Variants in KCTD8 observed in about 807,000 individuals in gnomAD.
KCTD8 encodes the protein BTB/POZ domain-containing protein KCTD8.
In KCTD8, 27 loss-of-function variants were observed where a neutral mutation model predicts 31.5. The ratio of observed to expected loss-of-function variants is 0.86; its 90% CI spans 0.63 to 1.18. KCTD8 has a LOEUF of 1.18. Ranked by LOEUF, KCTD8 falls within the 50% of genes most tolerant of loss-of-function variation. The pLI, the probability that KCTD8 is intolerant of heterozygous loss-of-function variation, is 0.00. For missense variants in KCTD8, 658 were observed against 647.7 expected (o/e 1.02, Z -0.17); for synonymous variants, 290 against 280.0 (o/e 1.04, Z -0.36).
chr4:44,198,065 G>A (rs190991105), intron 1 of KCTD8, among the ~76,000 whole-genome samples: 407 of 152,138 alleles, frequency 2.7e-3, no homozygotes, highest in Non-Finnish European at 4.5e-3. Context: ...AGAGCTCAAA[G>A]ACTGGTTCTT....
At chr4:44,407,392 T>C (rs573073519) in intron 1 of KCTD8, among the ~76,000 whole-genome samples, 17 of 150,766 alleles carry the variant, frequency 1.1e-4, no homozygotes, top group African/African-American at 4.1e-4. Flanking sequence ...TTTTTTTCTT[T>C]TTTTTTTTTT....
chr4:44,444,843 G>A (rs1721902027), intron 1 of KCTD8, among the ~76,000 whole-genome samples: 1 of 151,968 alleles, frequency 6.6e-6, no homozygotes, highest in Admixed American at 6.6e-5. Flanking sequence ...AACTACAACA[G>A]TTTCAACTAC....
intron 1 of KCTD8, among the ~76,000 whole-genome samples, chr4:44,193,628 A>G (rs550320200): frequency 1.3e-5 from 2 of 151,742 alleles, no homozygotes; most frequent in African/African-American, 2.4e-5. Flanking sequence ...TTTATTTTAC[A>G]TCTAGGTATT....
intron 1 of KCTD8, among the ~76,000 whole-genome samples, chr4:44,232,984 G>A (rs1488830997): frequency 4.0e-5 from 6 of 151,896 alleles, no homozygotes; most frequent in South Asian, 2.1e-4. Flanking sequence ...TTCATAAAAC[G>A]TTTTTTGATA....
intron 1 of KCTD8, among the ~76,000 whole-genome samples, chr4:44,225,741 C>T (rs1560399554): frequency 6.6e-6 from 1 of 150,682 alleles, no homozygotes. Flanking sequence ...GCAGAACATG[C>T]AGATTTGTTA....
chr4:44,347,641 A>T (rs1329228030), intron 1 of KCTD8, among the ~76,000 whole-genome samples: 1 of 152,190 alleles, frequency 6.6e-6, no homozygotes, highest in East Asian at 1.9e-4. Context: ...GTAATGCATA[A>T]TTTTTGTATA....
intron 1 of KCTD8, among the ~76,000 whole-genome samples, chr4:44,310,990 A>G (rs1026508465): frequency 8.6e-5 from 13 of 150,590 alleles, no homozygotes; most frequent in Non-Finnish European, 1.6e-4. Flanking sequence ...TGCAACCCCT[A>G]TATCTCTCTT....
intron 1 of KCTD8, among the ~76,000 whole-genome samples, chr4:44,254,193 G>A (rs1325784481): frequency 6.6e-6 from 1 of 151,888 alleles, no homozygotes; most frequent in African/African-American, 2.4e-5. Context: ...GTTAAAAAAA[G>A]TGAACTGTTT....
chr4:44,300,971 G>T (rs1717598019), intron 1 of KCTD8, among the ~76,000 whole-genome samples: 2 of 139,002 alleles, frequency 1.4e-5, no homozygotes, highest in Non-Finnish European at 3.1e-5. Flanking sequence ...GCGGTGTTTG[G>T]TTTTTTGTCC....
At chr4:44,436,335 G>T (rs1442648055) in intron 1 of KCTD8, among the ~76,000 whole-genome samples, 1 of 152,044 alleles carries the variant, frequency 6.6e-6, no homozygotes, top group Non-Finnish European at 1.5e-5. Flanking sequence ...AGCTCAACAA[G>T]ACCTCCTTCT....
intron 1 of KCTD8, among the ~76,000 whole-genome samples, chr4:44,384,117 C>T (rs1720144537): frequency 6.7e-6 from 1 of 149,510 alleles, no homozygotes; most frequent in Non-Finnish European, 1.5e-5. Context: ...GAGATATCTT[C>T]TCACTCAGGT....
At chr4:44,398,061 T>A (rs1720554403) in intron 1 of KCTD8, among the ~76,000 whole-genome samples, 1 of 152,198 alleles carries the variant, frequency 6.6e-6, no homozygotes, top group Admixed American at 6.6e-5. Flanking sequence ...TTGAAATACA[T>A]ATCCTTAGGT....
chr4:44,432,878 A>G lies in KCTD8; in HGVS notation c.961+14685T>C, dbSNP rs1049472011. Among the ~76,000 whole-genome samples the G allele has an allele frequency of 7.2e-5, 11 of 151,736 alleles. No individual in the cohort carries two copies. In the East Asian group the frequency reaches 2.1e-3, roughly 29 times the overall value. On this transcript the variant is annotated intron_variant, in intron 1 of 1. Coordinates refer to ENST00000360029, the MANE Select transcript of KCTD8 (RefSeq NM_198353.3). ...ACAATCAACTCTCTGGAGCATTTGT[A>G]TTGTTAAGTACACATTCTTTGCACT...
chr4:44,308,663 T>G (rs2109397636), intron 1 of KCTD8, among the ~76,000 whole-genome samples: 1 of 152,242 alleles, frequency 6.6e-6, no homozygotes, highest in East Asian at 1.9e-4. Context: ...GCTCACATCT[T>G]ATTTAAGGTT....
At chr4:44,444,842 A>T (rs1721901977) in intron 1 of KCTD8, among the ~76,000 whole-genome samples, 1 of 152,154 alleles carries the variant, frequency 6.6e-6, no homozygotes, top group Non-Finnish European at 1.5e-5. Flanking sequence ...AAACTACAAC[A>T]GTTTCAACTA....
At chr4:44,364,869 A>G (rs1719589593) in intron 1 of KCTD8, among the ~76,000 whole-genome samples, 1 of 149,168 alleles carries the variant, frequency 6.7e-6, no homozygotes, top group Non-Finnish European at 1.5e-5. Context: ...AAAGCCAGTA[A>G]AAAAAAAAAG....
rs1012194507 is a variant in KCTD8 at position 44,433,755 on chromosome 4, A to C, written c.961+13808T>G. ...AGACATACCCCTGGTAAAAGAAATG[A>C]ATCAATCACAGGCCAGCTGCCAGTT... is the stretch of plus-strand genomic sequence containing the variant. On this transcript the variant is annotated intron_variant, in intron 1 of 1. Coordinates refer to ENST00000360029, the MANE Select transcript of KCTD8 (RefSeq NM_198353.3). Among the ~76,000 whole-genome samples the C allele has an allele frequency of 6.6e-5, 10 of 151,550 alleles. No homozygotes were observed. In the East Asian group the frequency reaches 1.9e-3, roughly 29 times the overall value.
At chr4:44,329,690 T>C (rs1257724377) in intron 1 of KCTD8, among the ~76,000 whole-genome samples, 2 of 151,910 alleles carry the variant, frequency 1.3e-5, no homozygotes, top group Non-Finnish European at 2.9e-5. Flanking sequence ...TAGTATATCA[T>C]ATATAAGTAA....
chr4:44,355,998 T>C (rs1473084452), intron 1 of KCTD8, among the ~76,000 whole-genome samples: 1 of 152,142 alleles, frequency 6.6e-6, no homozygotes, highest in Non-Finnish European at 1.5e-5. Flanking sequence ...CCACTAAACT[T>C]AGAATACGGT....
Sources: allele counts gnomAD v4.1 joint callset (sites outside exome capture counted in the v4.1 genomes callset), GRCh38; gene constraint gnomAD v4.1.1; transcripts MANE v1.5; gene names NCBI Gene and HGNC (gene_info 2026-07-23, HGNC 2026-07-21).